Variants in ZFHX3 observed in about 807,000 individuals in gnomAD.
ZFHX3 encodes zinc finger homeobox 3.
Under a neutral mutation model 279.1 loss-of-function variants are expected in ZFHX3, and 42 were observed. That is an observed-to-expected ratio of 0.15 (90% CI 0.12 to 0.19). The LOEUF (loss-of-function observed/expected upper bound fraction) is 0.19, where lower values mean the gene tolerates loss of function less well. ZFHX3 is among the 10% of genes least tolerant of loss of function. The pLI is 1.00. For synonymous variants in ZFHX3, 2,293 were observed against 1,957.8 expected (o/e 1.17, Z -4.52); for missense variants, 4,981 against 4,754.0 (o/e 1.05, Z -1.40).
At chr16:72,942,507 C>T (rs749206035) in intron 3 of ZFHX3, among the ~76,000 whole-genome samples, 2 of 151,986 alleles carry the variant, frequency 1.3e-5, no homozygotes, top group African/African-American at 2.4e-5. Context: ...CGGGGGGATT[C>T]GTAAATATTT....
At chr16:73,640,321 C>T (rs2052562554) in intron 2 of ZFHX3, among the ~76,000 whole-genome samples, 1 of 152,270 alleles carries the variant, frequency 6.6e-6, no homozygotes, top group South Asian at 2.1e-4. Flanking sequence ...AGTAGACAAA[C>T]ATACCCAATC....
chr16:72,837,865 G>A (rs1458932097), intron 4 of ZFHX3, among the ~76,000 whole-genome samples: 3 of 146,304 alleles, frequency 2.1e-5, no homozygotes, highest in Admixed American at 1.3e-4. Context: ...GCCTCTCAAA[G>A]TGTTGGGATT....
chr16:73,069,195 ACT>A (rs2144752931), intron 8 of ZFHX3, among the ~76,000 whole-genome samples: 1 of 152,258 alleles, frequency 6.6e-6, no homozygotes, highest in Admixed American at 6.5e-5. Flanking sequence ...TGCAAAAATA[ACT>A]CTGGGCTGGG....
intron 2 of ZFHX3, among the ~76,000 whole-genome samples, chr16:73,627,691 G>A (rs1447416153): frequency 1.3e-5 from 2 of 152,220 alleles, no homozygotes; most frequent in African/African-American, 4.8e-5. Flanking sequence ...GGCCGAGGCA[G>A]GTGGATCACG....
intron 1 of ZFHX3, among the ~76,000 whole-genome samples, chr16:73,786,029 C>T (rs1959632591): frequency 6.6e-6 from 1 of 152,144 alleles, no homozygotes; most frequent in Non-Finnish European, 1.5e-5. Flanking sequence ...CACCACCACA[C>T]TTGGCTAATT....
At chr16:73,783,005 G>C (rs1959524541) in intron 1 of ZFHX3, among the ~76,000 whole-genome samples, 1 of 152,290 alleles carries the variant, frequency 6.6e-6, no homozygotes, top group East Asian at 1.9e-4. Flanking sequence ...CCCAACTTCA[G>C]ATGCTGGGGC....
At chr16:73,590,559 C>T (rs952219780) in intron 2 of ZFHX3, among the ~76,000 whole-genome samples, 1 of 152,122 alleles carries the variant, frequency 6.6e-6, no homozygotes, top group African/African-American at 2.4e-5. Context: ...CAAGAGTTCA[C>T]AGTAACATTT....
At chr16:73,307,362 T>C (rs1312180238) in intron 4 of ZFHX3, among the ~76,000 whole-genome samples, 1 of 152,228 alleles carries the variant, frequency 6.6e-6, no homozygotes, top group African/African-American at 2.4e-5. Flanking sequence ...TTGGAGTTAA[T>C]CACTAAATCA....
chr16:73,013,760 C>T (rs1213368853), intron 1 of ZFHX3, among the ~76,000 whole-genome samples: 1 of 152,054 alleles, frequency 6.6e-6, no homozygotes, highest in Non-Finnish European at 1.5e-5. Flanking sequence ...ATTGTTGGAA[C>T]AGGTAAGGCT....
chr16:73,337,292 C>T (rs1432197274), intron 3 of ZFHX3, among the ~76,000 whole-genome samples: 1 of 152,142 alleles, frequency 6.6e-6, no homozygotes, highest in Non-Finnish European at 1.5e-5. Context: ...AAAACTCCCT[C>T]TCCCTGAACC....
At chr16:73,732,118 A>C (rs2053574452) in intron 1 of ZFHX3, among the ~76,000 whole-genome samples, 1 of 152,246 alleles carries the variant, frequency 6.6e-6, no homozygotes, top group Non-Finnish European at 1.5e-5. Flanking sequence ...TGTAAAAAAG[A>C]GTACAGTTTT....
At chr16:73,010,930 G>A (rs966439286) in intron 1 of ZFHX3, among the ~76,000 whole-genome samples, 21 of 151,916 alleles carry the variant, frequency 1.4e-4, no homozygotes, top group Admixed American at 1.3e-4. Flanking sequence ...TCTACCTCCC[G>A]AGTAGCTAGG....
chr16:73,303,108 C>T (rs1057319635), intron 4 of ZFHX3, among the ~76,000 whole-genome samples: 1 of 151,704 alleles, frequency 6.6e-6, no homozygotes, highest in Admixed American at 6.6e-5. Context: ...AGTGCACTGT[C>T]GCCTTAAACT....
intron 1 of ZFHX3, among the ~76,000 whole-genome samples, chr16:73,751,962 C>T (rs328338): frequency 0.73 from 110,570 of 152,104 alleles, 40,692 homozygotes; most frequent in East Asian, 0.95. Flanking sequence ...GTTATTCTCT[C>T]GGGGATTTGG....
intron 3 of ZFHX3, among the ~76,000 whole-genome samples, chr16:73,389,403 A>G (rs578076305): frequency 1.6e-3 from 244 of 152,354 alleles, no homozygotes; most frequent in African/African-American, 5.5e-3. Flanking sequence ...GCAGCATCTT[A>G]TATCTAGAAA....
At chr16:73,513,703 T>A (rs1209859361) in intron 2 of ZFHX3, among the ~76,000 whole-genome samples, 1 of 152,054 alleles carries the variant, frequency 6.6e-6, no homozygotes, top group East Asian at 1.9e-4. Context: ...AAATGCCTCA[T>A]TGGTCAGGAG....
chr16:73,079,127 G>A (rs988966509), intron 8 of ZFHX3, among the ~76,000 whole-genome samples: 2 of 151,924 alleles, frequency 1.3e-5, no homozygotes, highest in Admixed American at 1.3e-4. Context: ...AGTCCAACCC[G>A]ACCAGGTCCT....
chr16:73,669,658 C>T (rs1482447995), intron 2 of ZFHX3, among the ~76,000 whole-genome samples: 1 of 152,202 alleles, frequency 6.6e-6, no homozygotes, highest in Non-Finnish European at 1.5e-5. Context: ...AAGTGAAGAA[C>T]ACTCTTTATA....
At chr16:72,861,176 C>T (rs1043165210) in intron 4 of ZFHX3, among the ~76,000 whole-genome samples, 6 of 152,252 alleles carry the variant, frequency 3.9e-5, no homozygotes, top group African/African-American at 1.4e-4. Context: ...CTGTCCCCTA[C>T]AGCCACTGGG....
Sources: gnomAD v4.1 joint callset for allele counts (sites outside exome capture counted in the v4.1 genomes callset) on GRCh38, gnomAD v4.1.1 for gene constraint, MANE v1.5 for transcripts, NCBI Gene and HGNC (gene_info 2026-07-23, HGNC 2026-07-21) for gene names.